TPR: variants seen among roughly 807,000 people sequenced by gnomAD.
TPR encodes the protein nucleoprotein TPR.
In TPR, 51 loss-of-function variants were observed where a neutral mutation model predicts 316.1. The observed-to-expected ratio is 0.16, with a 90% confidence interval of 0.13 to 0.20. The LOEUF is 0.20. Ranked by LOEUF, TPR falls within the 10% of genes least tolerant of loss-of-function variation. The pLI is 1.00. For synonymous variants in TPR, 981 were observed against 914.7 expected, an observed-to-expected ratio of 1.07 and a Z score of -1.31; for missense variants, 2,272 against 2,754.8, an observed-to-expected ratio of 0.82 and a Z score of 3.92.
chr1:186,324,020 T>A (rs1162101905), intron 42 of TPR, 150 bp from the exon 43 acceptor site: 5 of 771,826 alleles, frequency 6.5e-6, no homozygotes, highest in Non-Finnish European at 9.7e-6. Flanking sequence ...GAAGCAAATG[T>A]GGGTTTTACA....
At chr1:186,334,610 G>T in intron 35 of TPR, 77 bp from the exon 36 acceptor site, 3 of 1,435,666 alleles carry the variant, frequency 2.1e-6, no homozygotes, top group Non-Finnish European at 2.8e-6. Flanking sequence ...GTGAGTATAG[G>T]TCTCCATTTT....
chr1:186,346,340 T>C (rs904145291), intron 22 of TPR, 53 bp from the exon 23 acceptor site: 3 of 1,499,408 alleles, frequency 2.0e-6, no homozygotes, highest in Non-Finnish European at 1.8e-6. Flanking sequence ...TTTAAAGTCA[T>C]ACAATTATTT....
chr1:186,355,477 C>G lies in TPR; in HGVS notation c.2104G>C (p.Glu702Gln), dbSNP rs554995748. ...TGTGATCGCAAATCTGTAACTTGTT[C>G]TTGAAGTTTCTCAAGCTGCTCATTT... is the stretch of plus-strand genomic sequence containing the variant. Reference protein sequence around the residue: ...IQNEQLEKLQEQVTDLRSQNT... With the variant: ...IQNEQLEKLQQQVTDLRSQNT... Residue 702 changes from glutamate (E) to glutamine (Q), a missense_variant, in exon 17 of 51, where the codon GAA (glutamate) becomes CAA (glutamine). By Grantham distance (29) the Glu-to-Gln change is conservative. Transcript: ENST00000367478. 2.5e-6 allele frequency: 4 copies of G among 1,612,816 alleles called. No individual in the cohort carries two copies. In the African/African-American group the frequency reaches 5.3e-5, roughly 22 times the overall value.
chr1:186,344,175 C>G, intron 25 of TPR, 85 bp from the exon 26 acceptor site: 2 of 1,476,198 alleles, frequency 1.4e-6, no homozygotes, highest in Admixed American at 4.5e-5. Flanking sequence ...TGGCTAACGC[C>G]TGTAATCCCG....
intron 45 of TPR, 96 bp downstream of exon 45, chr1:186,322,222 C>G: frequency 8.2e-7 from 1 of 1,216,440 alleles, no homozygotes; most frequent in Non-Finnish European, 1.2e-6. Flanking sequence ...GAGAGGGACT[C>G]AACAAACAAT....
chr1:186,350,755 GCA>G (rs753676846), intron 20 of TPR, among the ~76,000 whole-genome samples: 14 of 152,154 alleles, frequency 9.2e-5, no homozygotes, highest in Non-Finnish European at 1.9e-4. Flanking sequence ...CAGGAGAGTT[GCA>G]CACACAGAGT....
In TPR at chr1:186,327,463, A is replaced by G. The variant is rs1206626450; in HGVS notation, c.5886T>C (p.His1962=). 2 of 1,609,162 alleles carry G rather than the reference A, an allele frequency of 1.2e-6. No homozygotes were observed. The highest frequency in any genetic ancestry group is 1.7e-6 in the Non-Finnish European group (2 of 1,179,296). The stretch of plus-strand genomic sequence containing the variant: ...GATGATTTCAAATCAAACTTACCTC[A>G]TGTTCTCCATCATTTTCATCATCAT... The part of the protein sequence containing the change: ...EEDDDENDGE[H]EDYEEDEEDD... The change falls in exon 40 of 51, where the codon CAT becomes CAC. Residue 1962 remains histidine (H), a synonymous_variant. Coordinates refer to ENST00000367478, the MANE Select transcript of TPR (RefSeq NM_003292.3).
At position 186,367,908 on chromosome 1, in the gene TPR, A is replaced by C. The variant is rs1226424719; in HGVS notation, c.405T>G (p.Ser135=). 1 of 1,610,690 alleles carries C rather than the reference A, an allele frequency of 6.2e-7. No homozygotes were observed. Among genetic ancestry groups the C allele is most frequent in the East Asian group, 2.2e-5 (1 of 44,734 alleles). ...RDLIRTNERL[S]QELEYLTEDV... is the part of the protein sequence containing the mutation. Reference sequence around the variant, plus strand: ...TACCTGTTAAGTATTCAAGTTCTTGAGATAGTCTCTCATTGGTTCTAATTA... The same window carrying C: ...TACCTGTTAAGTATTCAAGTTCTTGCGATAGTCTCTCATTGGTTCTAATTA... Residue 135 remains serine (S), a synonymous_variant, in exon 4 of 51, where the codon TCT becomes TCG. Coordinates refer to ENST00000367478, the MANE Select transcript of TPR (RefSeq NM_003292.3).
rs768793063 is a variant in TPR, at chr1:186,343,314, T to C, written c.3750+12A>G. 1.9e-6 allele frequency: 3 copies of C among 1,608,682 alleles called. No homozygotes were observed. Among genetic ancestry groups the C allele is most frequent in the African/African-American group, 2.7e-5 (2 of 74,780 alleles). ...ATTTAACAAGTGCTTTCTTAAAGCTTAGTATACCTACCTGGACTTTCTCCC... is the reference window on the plus strand; with the variant it reads ...ATTTAACAAGTGCTTTCTTAAAGCTCAGTATACCTACCTGGACTTTCTCCC... On this transcript the variant is annotated intron_variant, in intron 27 of 50. Transcript: ENST00000367478.
At chr1:186,320,634 G>A (rs1320063383) in intron 45 of TPR, among the ~76,000 whole-genome samples, 1 of 152,130 alleles carries the variant, frequency 6.6e-6, no homozygotes, top group Non-Finnish European at 1.5e-5. Context: ...AATAACCTGT[G>A]ATTTATATGT....
At position 186,343,423 on chromosome 1, in the gene TPR, T is replaced by C. The variant is rs773542272; in HGVS notation, c.3653A>G (p.Gln1218Arg). The change falls in exon 27 of 51, where the codon CAG (glutamine) becomes CGG (arginine). Residue 1218 changes from glutamine (Q) to arginine (R), a missense_variant. Physicochemically the swap from Gln to Arg is conservative, Grantham distance 43 (BLOSUM62 1). Transcript: ENST00000367478. The stretch of plus-strand genomic sequence containing the variant: ...TTGTCGATAACGCAGACTCTCAACC[T>C]GAGCCACCTCAAACCTAGTTTCAGC... Reference protein sequence around the residue: ...EIAETRFEVAQVESLRYRQRV... With the variant: ...EIAETRFEVARVESLRYRQRV... The C allele has an allele frequency of 1.9e-6, 3 of 1,613,676 alleles. No individual in the cohort carries two copies. The highest frequency in any genetic ancestry group is 2.5e-6 in the Non-Finnish European group (3 of 1,179,830).
At chr1:186,338,965 A>G (rs1658420172) in intron 30 of TPR, among the ~76,000 whole-genome samples, 1 of 152,198 alleles carries the variant, frequency 6.6e-6, no homozygotes. Context: ...ACGTATATAT[A>G]TCACAAAAAT....
At chr1:186,341,777 A>G (rs1407840743) in intron 27 of TPR, 1 of 160,276 alleles carries the variant, frequency 6.2e-6, no homozygotes, top group Non-Finnish European at 1.4e-5. Context: ...ATTTTGATCC[A>G]TTGTTTCATC....
intron 4 of TPR, 47 bp downstream of exon 4, chr1:186,367,839 A>G (rs920727681): frequency 4.3e-6 from 6 of 1,408,102 alleles, no homozygotes; most frequent in Non-Finnish European, 6.0e-6. Flanking sequence ...CACTAACAGA[A>G]GAAAAATAAA....
chr1:186,361,449 C>A (rs1659185295), intron 9 of TPR, among the ~76,000 whole-genome samples, 173 bp downstream of exon 9: 1 of 151,764 alleles, frequency 6.6e-6, no homozygotes, highest in Admixed American at 6.6e-5. Flanking sequence ...TATAAACTTA[C>A]ATTTGCTTAA....
Position 186,312,953 on chromosome 1 carries a change from TAAAGTAAAAA to T in TPR, c.*1008_*1017del, listed in dbSNP as rs1657393958. 1 of 1,543,618 alleles carries T rather than the reference TAAAGTAAAAA, an allele frequency of 6.5e-7. No homozygotes were observed. Among genetic ancestry groups the T allele is most frequent in the Non-Finnish European group, 9.0e-7 (1 of 1,117,098 alleles). On this transcript the variant is annotated 3_prime_UTR_variant, in exon 51 of 51. Coordinates refer to ENST00000367478, the MANE Select transcript of TPR (RefSeq NM_003292.3). Reference sequence around the variant, plus strand: ...GATATCATTTGTGAAAACATGAAGATAAAGTAAAAATGCTGGCTGCAATGATGACTGAATG... The same window carrying T: ...GATATCATTTGTGAAAACATGAAGATTGCTGGCTGCAATGATGACTGAATG...
intron 22 of TPR, 74 bp from the exon 23 acceptor site, chr1:186,346,361 A>G: frequency 7.1e-7 from 1 of 1,401,208 alleles, no homozygotes; most frequent in Non-Finnish European, 9.6e-7. Flanking sequence ...TCTCCAAATC[A>G]AAACTAATTT....
intron 39 of TPR, among the ~76,000 whole-genome samples, chr1:186,328,281 G>A (rs1245256657): frequency 2.0e-5 from 3 of 152,124 alleles, no homozygotes; most frequent in Non-Finnish European, 4.4e-5. Flanking sequence ...AGTGCTGTGA[G>A]ACAGGAATAT....
intron 27 of TPR, 179 bp from the exon 28 acceptor site, chr1:186,341,568 T>C (rs1048276583): frequency 9.1e-5 from 50 of 552,110 alleles, no homozygotes; most frequent in African/African-American, 9.0e-4. Flanking sequence ...CTGCAGACTT[T>C]AAACAAATAC....
Sources: allele counts gnomAD v4.1 joint callset (sites outside exome capture counted in the v4.1 genomes callset), GRCh38; gene constraint gnomAD v4.1.1; transcripts MANE v1.5; gene names NCBI Gene and HGNC (gene_info 2026-07-23, HGNC 2026-07-21).